MTMR8: variants seen among roughly 807,000 people sequenced by gnomAD.
MTMR8 encodes the protein myotubularin related protein 8.
Under a neutral mutation model 39.3 loss-of-function variants are expected in MTMR8, and 65 were observed. The observed-to-expected ratio is 1.65, with a 90% confidence interval of 1.35 to 2.03. The LOEUF (loss-of-function observed/expected upper bound fraction) is 2.03, where lower values mean the gene tolerates loss of function less well. Ranked by LOEUF, MTMR8 falls within the 30% of genes most tolerant of loss-of-function variation. The pLI is 0.00. For synonymous variants in MTMR8, 245 were observed against 185.2 expected, an observed-to-expected ratio of 1.32 and a Z score of -2.62; for missense variants, 777 against 538.9, an observed-to-expected ratio of 1.44 and a Z score of -4.37.
chrX:64,270,990 T>C lies in MTMR8; in HGVS notation c.1565A>G (p.Lys522Arg). Residue 522 changes from lysine to arginine, a missense_variant, in exon 13 of 14, where the codon AAA (lysine) becomes AGA (arginine). Transcript: ENST00000374852. The stretch of plus-strand genomic sequence containing the variant: ...ATCTGTCTCCAGCATTGCTCTCTGT[T>C]TCTTAATTTCCAGGAGGCTCTCTAG... ...SMLESLLEIK[K>R]QRAMLETDVH... is the part of the protein sequence containing the mutation. The C allele has an allele frequency of 2.5e-6, 3 of 1,210,661 alleles. No homozygotes were observed. The highest frequency in any genetic ancestry group is 3.4e-6 in the Non-Finnish European group (3 of 895,017).
At chrX:64,280,849 G>T (rs1031170142) in intron 12 of MTMR8, among the ~76,000 whole-genome samples, 6 of 111,551 alleles carry the variant, frequency 5.4e-5, no homozygotes, top group Non-Finnish European at 9.4e-5. Flanking sequence ...CTTCAGCAAA[G>T]TCTCAGGATA....
At chrX:64,300,761 G>A (rs1377019860) in intron 12 of MTMR8, among the ~76,000 whole-genome samples, 4 of 103,533 alleles carry the variant, frequency 3.9e-5, no homozygotes, top group Admixed American at 3.1e-4. Flanking sequence ...AGCTCTTGTA[G>A]GGCAGGCCTG....
chrX:64,311,385 T>C (rs778195134), intron 12 of MTMR8, among the ~76,000 whole-genome samples: 2 of 111,803 alleles, frequency 1.8e-5, no homozygotes, highest in Admixed American at 9.5e-5. Flanking sequence ...TTGTAGATTC[T>C]GGATATTAGC....
At chrX:64,347,544 C>T (rs148222117) in intron 6 of MTMR8, among the ~76,000 whole-genome samples, 337 of 111,549 alleles carry the variant, frequency 3.0e-3, no homozygotes, top group Middle Eastern at 9.3e-3. Context: ...AAAGATGGGG[C>T]AGAAAGCTGT....
chrX:64,365,142 C>A (rs191386628), intron 1 of MTMR8, among the ~76,000 whole-genome samples: 1 of 111,439 alleles, frequency 9.0e-6, no homozygotes, highest in Admixed American at 9.5e-5. Context: ...GATTGGTGTG[C>A]CTGAAAGTGA....
Position 64,356,428 on chromosome X carries a change from C to T in MTMR8, c.148-90G>A. The T allele has an allele frequency of 4.8e-6, 4 of 833,369 alleles. No individual in the cohort carries two copies. In the South Asian group the frequency reaches 8.2e-5, roughly 17 times the overall value. The allele number at this position is 833,369 out of a possible 1,213,427, so 68.7% of individuals were successfully genotyped here. On this transcript the variant is annotated intron_variant, in intron 2 of 13. Coordinates refer to ENST00000374852, the MANE Select transcript of MTMR8 (RefSeq NM_017677.4). ...TCCTGACTCTCCGTAATGGTAACAG[C>T]ATGACCAGATCTGTAGGCTACATCT...
At chrX:64,295,723 T>C (rs1921554178) in intron 12 of MTMR8, among the ~76,000 whole-genome samples, 1 of 111,106 alleles carries the variant, frequency 9.0e-6, no homozygotes, top group African/African-American at 3.3e-5. Flanking sequence ...ATGCCACTAG[T>C]CATAAGGAAA....
At position 64,359,387 on chromosome X, in the gene MTMR8, T is replaced by G; in HGVS notation, c.147+18A>C. 8.4e-7 allele frequency: 1 copy of G among 1,195,945 alleles called. No individual in the cohort carries two copies. Among genetic ancestry groups the G allele is most frequent in the South Asian group, 1.8e-5 (1 of 54,285 alleles). ...ACAACTCTTTAAGACTCTTTGATAC[T>G]TCTTCTCATGAACATACCCATGTTT... is the stretch of plus-strand genomic sequence containing the variant. On this transcript the variant is annotated intron_variant, in intron 2 of 13. Coordinates refer to ENST00000374852, the MANE Select transcript of MTMR8 (RefSeq NM_017677.4).
chrX:64,365,376 C>T (rs920147631), intron 1 of MTMR8, among the ~76,000 whole-genome samples: 8 of 110,819 alleles, frequency 7.2e-5, no homozygotes, highest in African/African-American at 2.3e-4. Context: ...TCATGTTACA[C>T]ACAAAGGGAA....
rs1256781041 is a variant in MTMR8 at position 64,313,866 on chromosome X, G to T, written c.1481+14906C>A. On this transcript the variant is annotated intron_variant, in intron 12 of 13. Coordinates refer to ENST00000374852, the MANE Select transcript of MTMR8 (RefSeq NM_017677.4). Reference sequence around the variant, plus strand: ...CATTTGGAGGAAAGAAGACACTCTGGCTTTTCAAGCTGTCATAGTTCTTGC... The same window carrying T: ...CATTTGGAGGAAAGAAGACACTCTGTCTTTTCAAGCTGTCATAGTTCTTGC... 8.9e-5 allele frequency among the ~76,000 whole-genome samples: 10 copies of T among 112,468 alleles called. No homozygotes were observed. The Admixed American group carries it at 9.4e-4, about 11-fold the overall frequency.
At chrX:64,380,117 C>T (rs753038457) in intron 1 of MTMR8, among the ~76,000 whole-genome samples, 2 of 112,261 alleles carry the variant, frequency 1.8e-5, no homozygotes, top group Non-Finnish European at 3.8e-5. Flanking sequence ...TTCAGTTAAA[C>T]CAGGGAACTG....
chrX:64,345,325 G>C, intron 6 of MTMR8, 148 bp from the exon 7 acceptor site: 1 of 552,934 alleles, frequency 1.8e-6, no homozygotes, highest in South Asian at 4.0e-5. Context: ...GGAATGGAGA[G>C]AATTTCACTA....
At chrX:64,284,434 G>A (rs759751700) in intron 12 of MTMR8, among the ~76,000 whole-genome samples, 80 of 111,998 alleles carry the variant, frequency 7.1e-4, no homozygotes, top group African/African-American at 2.4e-3. Flanking sequence ...CCCCAATCTA[G>A]CAAGGCAGGC....
chrX:64,349,809 T>C (rs1320324789), intron 5 of MTMR8, 133 bp downstream of exon 5: 9 of 443,809 alleles, frequency 2.0e-5, no homozygotes, highest in Non-Finnish European at 3.0e-5. Flanking sequence ...TCAAAAACCT[T>C]CAGAAGTATG....
Position 64,348,789 on chromosome X carries a change from G to T in MTMR8, c.603C>A (p.Ala201=). 2.5e-6 allele frequency: 3 copies of T among 1,210,323 alleles called. No individual in the cohort carries two copies. The East Asian group carries it at 8.9e-5, about 36-fold the overall frequency. Residue 201 remains alanine (A), a synonymous_variant, in exon 6 of 14, where the codon GCC becomes GCA. Transcript: ENST00000374852. ...LSYLYKENNA[A]ICRCSQPLSG... is the part of the protein sequence containing the mutation. ...AGAGAGGCTGGCTACAGCGGCAAATGGCAGCCTGTAAGGAAAAGGTGTGTC... is the reference window on the plus strand; with the variant it reads ...AGAGAGGCTGGCTACAGCGGCAAATTGCAGCCTGTAAGGAAAAGGTGTGTC...
At chrX:64,384,640 A>G (rs1273077493) in intron 1 of MTMR8, among the ~76,000 whole-genome samples, 1 of 112,619 alleles carries the variant, frequency 8.9e-6, no homozygotes, top group Non-Finnish European at 1.9e-5. Context: ...CTTTGGAGCT[A>G]GAATCCAAGC....
intron 1 of MTMR8, among the ~76,000 whole-genome samples, chrX:64,378,800 C>A (rs1308680367): frequency 1.8e-5 from 2 of 111,078 alleles, no homozygotes; most frequent in Non-Finnish European, 3.8e-5. Flanking sequence ...GAGTAGAAAT[C>A]AATGAAATTG....
intron 12 of MTMR8, among the ~76,000 whole-genome samples, chrX:64,327,936 G>T (rs1461020838): frequency 2.7e-5 from 3 of 111,971 alleles, no homozygotes; most frequent in South Asian, 3.7e-4. Context: ...CCACACAAAG[G>T]CAAATACAGC....
chrX:64,345,223 A>C, intron 6 of MTMR8, 46 bp from the exon 7 acceptor site: 1 of 1,171,055 alleles, frequency 8.5e-7, no homozygotes, highest in Non-Finnish European at 1.2e-6. Context: ...CAGATGATGA[A>C]AGAATGGAGT....
Sources: gnomAD v4.1 joint callset for allele counts (sites outside exome capture counted in the v4.1 genomes callset) on GRCh38, gnomAD v4.1.1 for gene constraint, MANE v1.5 for transcripts, NCBI Gene and HGNC (gene_info 2026-07-23, HGNC 2026-07-21) for gene names.